Variants in PPP2R5D observed in about 807,000 individuals in gnomAD.
PPP2R5D encodes the protein protein phosphatase 2 regulatory subunit B'delta.
PPP2R5D carries 12 observed loss-of-function variants against 79.1 expected under a neutral mutation model. That is an observed-to-expected ratio of 0.15 (90% CI 0.10 to 0.25). The LOEUF (loss-of-function observed/expected upper bound fraction) is 0.25, where lower values mean the gene tolerates loss of function less well. Among genes scored for constraint, PPP2R5D ranks in the 10% least tolerant of loss-of-function variants. The pLI is 1.00. For missense variants in PPP2R5D, 419 were observed against 760.2 expected (o/e 0.55, Z 5.28); for synonymous variants, 277 against 286.6 (o/e 0.97, Z 0.34).
intron 1 of PPP2R5D, among the ~76,000 whole-genome samples, chr6:42,987,654 G>A (rs73733782): frequency 0.011 from 1,626 of 152,234 alleles, 30 homozygotes; most frequent in African/African-American, 0.037. Flanking sequence ...ACTGAGCTGG[G>A]CTGAAATGTG....
chr6:43,010,528 G>A lies in PPP2R5D; in HGVS notation c.1440G>A (p.Leu480=). ...LKLFMEMNQK[L]FDDCTQQYKA... ...TGTTTATGGAAATGAATCAGAAGCT[G>A]TTTGATGACTGCACACAACAATACA... Residue 480 remains leucine (L), a synonymous_variant, in exon 13 of 16, where the codon CTG becomes CTA. Transcript: ENST00000485511. This position sits in a 1 kb window ranked among gnomAD's most constrained non-coding sequence, Gnocchi z 4.7. The A allele has an allele frequency of 6.2e-7, 1 of 1,614,146 alleles. No homozygotes were observed. The highest frequency in any genetic ancestry group is 8.5e-7 in the Non-Finnish European group (1 of 1,180,038).
At position 42,997,861 on chromosome 6, in the gene PPP2R5D, A is replaced by G. The variant is rs1174236055; in HGVS notation, c.105+8173A>G. On this transcript the variant is annotated intron_variant, in intron 2 of 15. Transcript: ENST00000485511. The stretch of plus-strand genomic sequence containing the variant: ...ATGCCCAGCCAACTTCTGTATTTTT[A>G]GTAGAGACGGGGTTTTGCCATATTG... 1.3e-4 allele frequency among the ~76,000 whole-genome samples: 19 copies of G among 150,652 alleles called. No homozygotes were observed. In the South Asian group the frequency reaches 2.1e-3, roughly 17 times the overall value.
intron 2 of PPP2R5D, among the ~76,000 whole-genome samples, chr6:42,991,747 A>G (rs1771279938): frequency 6.6e-6 from 1 of 152,226 alleles, no homozygotes; most frequent in South Asian, 2.1e-4. Flanking sequence ...TTATCAGTTC[A>G]TAGATGGGAA....
At position 43,010,335 on chromosome 6, in the gene PPP2R5D, C is replaced by T. The variant is rs1412033349; in HGVS notation, c.1380-133C>T. The T allele has an allele frequency of 1.4e-6, 1 of 716,214 alleles. No individual in the cohort carries two copies. Among genetic ancestry groups the T allele is most frequent in the Non-Finnish European group, 2.4e-6 (1 of 412,706 alleles). The allele number at this position is 716,214 out of a possible 1,614,324, so 44.4% of individuals were successfully genotyped here. On this transcript the variant is annotated intron_variant, in intron 12 of 15. Coordinates refer to ENST00000485511, the MANE Select transcript of PPP2R5D (RefSeq NM_006245.4). This position sits in a 1 kb window ranked among gnomAD's most constrained non-coding sequence, Gnocchi z 4.7. ...GCCAGAGCTCTCTTCTGATACTGCA[C>T]AGAGGTTTGTGAACTGGAAGTAGTA...
Position 43,008,383 on chromosome 6 carries a change from G to T in PPP2R5D, c.934G>T (p.Ala312Ser). ...EILGSIINGF[A>S]LPLKEEHKMF... ...AATTCCTAGCATCATCAATGGCTTT[G>T]CCCTGCCCCTTAAAGAAGAGCACAA... Residue 312 changes from alanine (A) to serine (S), a missense_variant, in exon 9 of 16, where the codon GCC becomes TCC. Transcript: ENST00000485511. The surrounding 1 kb of genome is among the most constrained non-coding windows in gnomAD (Gnocchi z 4.2). The T allele has an allele frequency of 6.2e-7, 1 of 1,614,024 alleles. No homozygotes were observed. The highest frequency in any genetic ancestry group is 8.5e-7 in the Non-Finnish European group (1 of 1,179,970).
intron 1 of PPP2R5D, among the ~76,000 whole-genome samples, chr6:42,987,778 GAA>G (rs1338610678): frequency 2.0e-5 from 3 of 152,154 alleles, no homozygotes; most frequent in African/African-American, 7.2e-5. Context: ...CTCATTCTTT[GAA>G]AGATACGTCT....
In PPP2R5D at chr6:43,011,498, A is replaced by G; in HGVS notation, c.*212A>G. ...GTTCATGCCTCCCTGTGGCTAGTAC[A>G]GGCTGAGCACTAAGATGCTTAGTGC... is the stretch of plus-strand genomic sequence containing the variant. On this transcript the variant is annotated 3_prime_UTR_variant, in exon 16 of 16. Transcript: ENST00000485511. 1.6e-6 allele frequency: 1 copy of G among 635,580 alleles called. No homozygotes were observed. Among genetic ancestry groups the G allele is most frequent in the Non-Finnish European group, 2.7e-6 (1 of 374,784 alleles). The allele number at this position is 635,580 out of a possible 1,614,324, so 39.4% of individuals were successfully genotyped here. A position where few individuals can be genotyped will look rare whatever the true frequency, so the allele number is the denominator to read the frequency against.
At chr6:42,991,713 T>C (rs982795758) in intron 2 of PPP2R5D, among the ~76,000 whole-genome samples, 1 of 152,172 alleles carries the variant, frequency 6.6e-6, no homozygotes, top group African/African-American at 2.4e-5. Context: ...ACATTAGAGC[T>C]GAAAAGGACC....
Position 43,007,072 on chromosome 6 carries a change from G to A in PPP2R5D, c.484G>A (p.Val162Ile). ...GGAGTACATCACCCATAGCCGTGAT[G>A]TTGTCACTGAGGCCATTTACCCTGA... is the stretch of plus-strand genomic sequence containing the variant. ...MVEYITHSRD[V>I]VTEAIYPEAV... Residue 162 changes from valine to isoleucine, a missense_variant, in exon 4 of 16, where the codon GTT (valine) becomes ATT (isoleucine). Val to Ile is a conservative substitution (Grantham distance 29, BLOSUM62 3). Coordinates refer to ENST00000485511, the MANE Select transcript of PPP2R5D (RefSeq NM_006245.4). The surrounding 1 kb of genome is among the most constrained non-coding windows in gnomAD (Gnocchi z 4.5). 1 of 1,614,158 alleles carries A rather than the reference G, an allele frequency of 6.2e-7. No homozygotes were observed. The highest frequency in any genetic ancestry group is 8.5e-7 in the Non-Finnish European group (1 of 1,180,030).
intron 2 of PPP2R5D, among the ~76,000 whole-genome samples, chr6:42,989,943 T>C (rs974265516): frequency 1.3e-5 from 2 of 152,208 alleles, no homozygotes; most frequent in Admixed American, 6.5e-5. Flanking sequence ...CAACTTGGAA[T>C]GTTGAGAATT....
At chr6:42,997,309 C>T (rs1477473379) in intron 2 of PPP2R5D, among the ~76,000 whole-genome samples, 1 of 151,708 alleles carries the variant, frequency 6.6e-6, no homozygotes, top group East Asian at 1.9e-4. Context: ...TTTCCTCCCT[C>T]AGCCTCCTGA....
At chr6:42,994,386 G>T (rs1214728386) in intron 2 of PPP2R5D, among the ~76,000 whole-genome samples, 1 of 152,202 alleles carries the variant, frequency 6.6e-6, no homozygotes, top group Non-Finnish European at 1.5e-5. Flanking sequence ...GTCTCTTGTG[G>T]TCTTGAATGA....
At chr6:42,996,002 T>C (rs995359017) in intron 2 of PPP2R5D, among the ~76,000 whole-genome samples, 1 of 102,048 alleles carries the variant, frequency 9.8e-6, no homozygotes, top group African/African-American at 3.2e-5. Flanking sequence ...GCTGGGACTT[T>C]CTATTTTTTT....
At position 42,988,116 on chromosome 6, in the gene PPP2R5D, C is replaced by T. The variant is rs149488920; in HGVS notation, c.28-1495C>T. 1.1e-3 allele frequency among the ~76,000 whole-genome samples: 172 copies of T among 152,252 alleles called. 2 individuals carry two copies. The highest frequency in any genetic ancestry group is 3.9e-3 in the African/African-American group (163 of 41,542). On this transcript the variant is annotated intron_variant, in intron 1 of 15. Transcript: ENST00000485511. ...TACACCACACCTTTCTTCCTCCCCACCTCCAAGAAGCCTTCCCCCTACTCC... is the reference window on the plus strand; with the variant it reads ...TACACCACACCTTTCTTCCTCCCCATCTCCAAGAAGCCTTCCCCCTACTCC...
At chr6:42,990,562 C>T (rs1771182667) in intron 2 of PPP2R5D, among the ~76,000 whole-genome samples, 1 of 152,084 alleles carries the variant, frequency 6.6e-6, no homozygotes, top group Admixed American at 6.6e-5. Flanking sequence ...TAAAGAGATA[C>T]AAGCACTTTT....
intron 1 of PPP2R5D, among the ~76,000 whole-genome samples, chr6:42,987,395 C>T (rs925847044): frequency 1.3e-5 from 2 of 152,060 alleles, no homozygotes; most frequent in African/African-American, 2.4e-5. Context: ...GTGCCCCTGC[C>T]CCCTCCGATT....
chr6:42,998,339 C>G (rs997798967), intron 2 of PPP2R5D, among the ~76,000 whole-genome samples: 4 of 151,788 alleles, frequency 2.6e-5, no homozygotes, highest in Non-Finnish European at 2.9e-5. Context: ...TCCCAAAGTT[C>G]TGGGATTACA....
rs762227983 is a variant in PPP2R5D at position 43,007,050 on chromosome 6, G to T, written c.462G>T (p.Glu154Asp). ...GGGCAGGACTCAACGAGATGGTGGA[G>T]TACATCACCCATAGCCGTGATGTTG... is the stretch of plus-strand genomic sequence containing the variant. ...VKRAGLNEMV[E>D]YITHSRDVVT... Residue 154 changes from glutamate to aspartate, a missense_variant, in exon 4 of 16, where the codon GAG becomes GAT. Glu to Asp is a conservative substitution (Grantham distance 45, BLOSUM62 2). Around this residue, in one of 5 missense-constraint regions of PPP2R5D, gnomAD observed 29 missense variants for 64.2 expected, o/e 0.45. Coordinates refer to ENST00000485511, the MANE Select transcript of PPP2R5D (RefSeq NM_006245.4). The surrounding 1 kb of genome is among the most constrained non-coding windows in gnomAD (Gnocchi z 4.5). 1.2e-6 allele frequency: 2 copies of T among 1,614,042 alleles called. No homozygotes were observed. Among genetic ancestry groups the T allele is most frequent in the African/African-American group, 2.7e-5 (2 of 74,906 alleles).
intron 2 of PPP2R5D, among the ~76,000 whole-genome samples, chr6:42,997,971 C>T (rs1200929234): frequency 7.3e-6 from 1 of 136,302 alleles, no homozygotes; most frequent in African/African-American, 2.7e-5. Context: ...GCCGCCATGC[C>T]AGGCCCCTAT....
Sources: gnomAD v4.1 joint callset for allele counts (sites outside exome capture counted in the v4.1 genomes callset) on GRCh38, gnomAD v4.1.1 for gene constraint, gnomAD v4.1.1 regional missense constraint, Gnocchi (gnomAD v3.1) non-coding constraint, MANE v1.5 for transcripts, NCBI Gene and HGNC (gene_info 2026-07-23, HGNC 2026-07-21) for gene names.